The following BRCA1 variants were observed in gnomAD, a reference collection of about 807,000 sequenced individuals.
BRCA1 encodes breast cancer type 1 susceptibility protein.
BRCA1 carries 140 observed loss-of-function variants against 173.7 expected under a neutral mutation model. The ratio of observed to expected loss-of-function variants is 0.81; its 90% CI spans 0.70 to 0.93. The LOEUF is 0.93. Among genes scored for constraint, BRCA1 ranks in the 40% least tolerant of loss-of-function variants. The pLI is 0.00. For missense variants in BRCA1, 1,983 were observed against 2,172.5 expected (o/e 0.91, Z 1.73); for synonymous variants, 662 against 756.0 (o/e 0.88, Z 2.04).
chr17:43,110,004 C>T (rs2154559469), intron 3 of BRCA1, among the ~76,000 whole-genome samples: 1 of 152,068 alleles, frequency 6.6e-6, no homozygotes, highest in East Asian at 1.9e-4. Flanking sequence ...ACGCCATTCT[C>T]CTGCCTCAGC....
Position 43,091,567 on chromosome 17 carries a change from T to C in BRCA1, c.3964A>G (p.Lys1322Glu), listed in dbSNP as rs80357343. The change falls in exon 10 of 23, where the codon AAA becomes GAA. Residue 1322 changes from lysine to glutamate, a missense_variant. By Grantham distance (56) the Lys-to-Glu change is moderately conservative. Coordinates refer to ENST00000357654, the MANE Select transcript of BRCA1 (RefSeq NM_007294.4). ...CTTTCAGACTGATGCCTCATTTGTT[T>C]GGAAGAACCAATCAAGAAAGGATCC... is the stretch of plus-strand genomic sequence containing the variant. The part of the protein sequence containing the change: ...TQDPFLIGSS[K>E]QMRHQSESQG... The C allele has an allele frequency of 2.5e-6, 4 of 1,614,222 alleles. No individual in the cohort carries two copies. Among genetic ancestry groups the C allele is most frequent in the Non-Finnish European group, 3.4e-6 (4 of 1,180,042 alleles).
Position 43,093,773 on chromosome 17 carries a change from AG to A in BRCA1, c.1757del (p.Pro586LeufsTer2), listed in dbSNP as rs80357723. 1 of 1,613,882 alleles carries A rather than the reference AG, an allele frequency of 6.2e-7. No individual in the cohort carries two copies. Among genetic ancestry groups the A allele is most frequent in the Non-Finnish European group, 8.5e-7 (1 of 1,179,958 alleles). On this transcript the variant is annotated frameshift_variant, in exon 10 of 23. Transcript: ENST00000357654. LOFTEE classifies it high-confidence loss of function. Reference protein sequence around the residue: ...KESAFKTKAEPISSSISNMEL... With the variant: ...KESAFKTKAEXISSSISNMEL... ...CCATATTGCTTATACTGCTGCTTATAGGTTCAGCTTTCGTTTTGAAAGCAGA... is the reference window on the plus strand; with the variant it reads ...CCATATTGCTTATACTGCTGCTTATAGTTCAGCTTTCGTTTTGAAAGCAGA...
rs80357353 is a variant in BRCA1, at chr17:43,082,548, T to C, written c.4213A>G (p.Ile1405Val). The change falls in exon 12 of 23, where the codon ATA (isoleucine) becomes GTA (valine). Residue 1405 changes from isoleucine to valine, a missense_variant. By Grantham distance (29) the Ile-to-Val change is conservative. Coordinates refer to ENST00000357654, the MANE Select transcript of BRCA1 (RefSeq NM_007294.4). ...QQRDTMQHNL[I>V]KLQQEMAELE... ...TCAGCCATTTCCTGCTGGAGCTTTATCAGGTTATGTTGCATGGTATCCCTC... is the reference window on the plus strand; with the variant it reads ...TCAGCCATTTCCTGCTGGAGCTTTACCAGGTTATGTTGCATGGTATCCCTC... 39 of 1,614,082 alleles carry C rather than the reference T, an allele frequency of 2.4e-5. 1 individual carries two copies. The South Asian group carries it at 3.2e-4, about 13-fold the overall frequency.
chr17:43,062,041 T>C (rs1178228234), intron 18 of BRCA1, among the ~76,000 whole-genome samples: 2 of 152,150 alleles, frequency 1.3e-5, no homozygotes, highest in African/African-American at 4.8e-5. Context: ...GCAATCTGAA[T>C]TATAAACAGA....
At chr17:43,115,866 A>G (rs1311170598) in intron 2 of BRCA1, 87 bp from the exon 3 acceptor site, 6 of 1,384,524 alleles carry the variant, frequency 4.3e-6, no homozygotes, top group Non-Finnish European at 6.0e-6. Context: ...AATAAGTTCA[A>G]CTTTGAGCTG....
rs183119644 is a variant in BRCA1, at chr17:43,092,021, A to C, written c.3510T>G (p.Ile1170Met). 4 of 1,614,034 alleles carry C rather than the reference A, an allele frequency of 2.5e-6. No homozygotes were observed. Among genetic ancestry groups the C allele is most frequent in the Non-Finnish European group, 3.4e-6 (4 of 1,180,000 alleles). The change falls in exon 10 of 23, where the codon ATT becomes ATG. Residue 1170 changes from isoleucine (I) to methionine (M), a missense_variant. Transcript: ENST00000357654. The stretch of plus-strand genomic sequence containing the variant: ...TGCTAAAAACAGCAGAACTTTCCTT[A>C]ATGTCATTTTCAGCAAAACTAGTAT... Reference protein sequence around the residue: ...KEDTSFAENDIKESSAVFSKS... With the variant: ...KEDTSFAENDMKESSAVFSKS...
chr17:43,126,659 G>C (rs2055884422), upstream of BRCA1, among the ~76,000 whole-genome samples: 1 of 152,198 alleles, frequency 6.6e-6, no homozygotes. Context: ...AGAGTCTGTG[G>C]TTCAGAATGC....
At chr17:43,121,233 G>A (rs1229131143) in intron 2 of BRCA1, among the ~76,000 whole-genome samples, 1 of 151,684 alleles carries the variant, frequency 6.6e-6, no homozygotes, top group Non-Finnish European at 1.5e-5. Flanking sequence ...AAATTAGCCG[G>A]GCATAGTGGT....
chr17:43,107,951 A>G (rs1374242855), intron 3 of BRCA1, among the ~76,000 whole-genome samples: 1 of 152,184 alleles, frequency 6.6e-6, no homozygotes, highest in Non-Finnish European at 1.5e-5. Context: ...TAAAACATAA[A>G]GGACATAATA....
intron 12 of BRCA1, among the ~76,000 whole-genome samples, chr17:43,079,015 C>T (rs567771938): frequency 5.8e-4 from 89 of 152,312 alleles, no homozygotes; most frequent in African/African-American, 2.0e-3. Flanking sequence ...GCCCGGCCAA[C>T]ATGGTGAAAC....
In BRCA1 at chr17:43,099,984, C is replaced by G. The variant is rs273900732; in HGVS notation, c.442-104G>C. 27 of 909,596 alleles carry G rather than the reference C, an allele frequency of 3.0e-5. No homozygotes were observed. The highest frequency in any genetic ancestry group is 4.9e-5 in the Non-Finnish European group (27 of 548,072). The allele number at this position is 909,596 out of a possible 1,614,324, so 56.3% of individuals were successfully genotyped here. ...ATGGACAAAATAAATTGACCATCATCAGTCAGCTAACATGTATGATGCCTG... is the reference window on the plus strand; with the variant it reads ...ATGGACAAAATAAATTGACCATCATGAGTCAGCTAACATGTATGATGCCTG... On this transcript the variant is annotated intron_variant, in intron 6 of 22. Coordinates refer to ENST00000357654, the MANE Select transcript of BRCA1 (RefSeq NM_007294.4).
At chr17:43,103,932 C>A (rs890144076) in intron 6 of BRCA1, among the ~76,000 whole-genome samples, 190 bp downstream of exon 6, 75 of 151,926 alleles carry the variant, frequency 4.9e-4, no homozygotes, top group African/African-American at 1.7e-3. Context: ...CATGATGAAA[C>A]CCCGTCTCTA....
chr17:43,141,710 GCT>G (rs763145456), intron 1 of BRCA1, among the ~76,000 whole-genome samples: 8 of 151,718 alleles, frequency 5.3e-5, no homozygotes, highest in Non-Finnish European at 1.0e-4. Context: ...TACTTGGGAG[GCT>G]GAGGCAGGAG....
At chr17:43,134,024 C>G (rs902279758) in intron 1 of BRCA1, among the ~76,000 whole-genome samples, 1 of 152,192 alleles carries the variant, frequency 6.6e-6, no homozygotes, top group Non-Finnish European at 1.5e-5. Context: ...CACTTACCAG[C>G]CAGTCCTTTC....
chr17:43,071,075 A>T lies in BRCA1; in HGVS notation c.4839T>A (p.Ser1613Arg), dbSNP rs2153833066. Residue 1613 changes from serine to arginine, a missense_variant, in exon 15 of 23, where the codon AGT (serine) becomes AGA (arginine). By Grantham distance (110) the Ser-to-Arg change is moderately radical. Transcript: ENST00000357654. ...TATCAGTAGTATGAGCAGCAGCTGG[A>T]CTCTGGGCAGATTCTGCAACTTTCA... The part of the protein sequence containing the change: ...PQLKVAESAQ[S>R]PAAAHTTDTA... 6.2e-7 allele frequency: 1 copy of T among 1,614,048 alleles called. No homozygotes were observed. The highest frequency in any genetic ancestry group is 8.5e-7 in the Non-Finnish European group (1 of 1,179,986).
rs554891835 is a variant in BRCA1, at chr17:43,079,210, A to G, written c.4358-2596T>C. On this transcript the variant is annotated intron_variant, in intron 12 of 22. Transcript: ENST00000357654. ...AAAACAAAACAAAACAAAAAAAATG[A>G]AAGGCAGAGGGAAGGCTCAGATACA... 185 of 762,742 alleles carry G rather than the reference A, an allele frequency of 2.4e-4. 1 individual carries two copies. The African/African-American group carries it at 3.0e-3, about 13-fold the overall frequency. The allele number at this position is 762,742 out of a possible 1,614,324, so 47.2% of individuals were successfully genotyped here.
At chr17:43,152,717 T>G (rs1363583370) in intron 1 of BRCA1, among the ~76,000 whole-genome samples, 3 of 151,984 alleles carry the variant, frequency 2.0e-5, no homozygotes, top group Non-Finnish European at 4.4e-5. Flanking sequence ...TAACTGGGCA[T>G]AGTGGCGGAC....
chr17:43,123,159 G>A (rs2055660885), intron 2 of BRCA1, among the ~76,000 whole-genome samples: 1 of 151,884 alleles, frequency 6.6e-6, no homozygotes, highest in African/African-American at 2.4e-5. Flanking sequence ...TGAGCCTGAC[G>A]AGGTTGAGGC....
At position 43,091,007 on chromosome 17, in the gene BRCA1, A is replaced by C. The variant is rs1555586200; in HGVS notation, c.4122T>G (p.Ser1374Arg). The stretch of plus-strand genomic sequence containing the variant: ...AGCAGTCTTCAGAGACGCTTGTTTC[A>C]CTCTCACACCCAGATGCTGCTTCAC... ...NLGEAASGCE[S>R]ETSVSEDCSG... The change falls in exon 11 of 23, where the codon AGT (serine) becomes AGG (arginine). Residue 1374 changes from serine (S) to arginine (R), a missense_variant. By Grantham distance (110) the Ser-to-Arg change is moderately radical. Coordinates refer to ENST00000357654, the MANE Select transcript of BRCA1 (RefSeq NM_007294.4). The C allele has an allele frequency of 6.2e-7, 1 of 1,612,752 alleles. No homozygotes were observed. Among genetic ancestry groups the C allele is most frequent in the Non-Finnish European group, 8.5e-7 (1 of 1,179,552 alleles).
Sources: allele counts gnomAD v4.1 joint callset (sites outside exome capture counted in the v4.1 genomes callset), GRCh38; gene constraint gnomAD v4.1.1; transcripts MANE v1.5; gene names NCBI Gene and HGNC (gene_info 2026-07-23, HGNC 2026-07-21).